The following CUL3 variants were observed in gnomAD, a reference collection of about 807,000 sequenced individuals.
CUL3 encodes the protein cullin 3.
In CUL3, 19 loss-of-function variants were observed where a neutral mutation model predicts 89.1. That is an observed-to-expected ratio of 0.21 (90% CI 0.15 to 0.31). The LOEUF (loss-of-function observed/expected upper bound fraction) is 0.31, where lower values mean the gene tolerates loss of function less well. CUL3 is among the 10% of genes least tolerant of loss of function. CUL3 has a pLI of 1.00. For synonymous variants in CUL3, 351 were observed against 308.4 expected (o/e 1.14, Z -1.45); for missense variants, 469 against 942.3 (o/e 0.50, Z 6.58).
intron 2 of CUL3, among the ~76,000 whole-genome samples, chr2:224,548,605 A>C (rs549040203): frequency 5.9e-5 from 9 of 152,200 alleles, no homozygotes; most frequent in Non-Finnish European, 1.2e-4. Context: ...AAGATGAAGA[A>C]ATTAAGCATA....
intron 3 of CUL3, among the ~76,000 whole-genome samples, chr2:224,531,531 A>G (rs754406888): frequency 6.8e-6 from 1 of 146,880 alleles, no homozygotes; most frequent in South Asian, 2.2e-4. Context: ...TATTAAAGAC[A>G]TAATAGTACA....
In CUL3 at chr2:224,524,286, T is replaced by C. The variant is rs1574655882; in HGVS notation, c.379-9514A>G. On this transcript the variant is annotated intron_variant, in intron 3 of 15. Transcript: ENST00000264414. ...CCCAACCAGAAAGACAAAAGTGGAG[T>C]TGGTTACCAAGCAGCTAGGACTTAA... is the stretch of plus-strand genomic sequence containing the variant. Among the ~76,000 whole-genome samples, 4 of 151,444 alleles carry C rather than the reference T, an allele frequency of 2.6e-5. No homozygotes were observed. In the East Asian group the frequency reaches 5.8e-4, roughly 22 times the overall value.
chr2:224,495,536 T>C (rs1451110046), intron 13 of CUL3: 6 of 202,202 alleles, frequency 3.0e-5, no homozygotes, highest in African/African-American at 1.4e-4. Context: ...ATGCTCTGTA[T>C]TTTCGGGCAA....
chr2:224,490,258 T>C (rs567274449), intron 13 of CUL3, among the ~76,000 whole-genome samples: 5 of 152,226 alleles, frequency 3.3e-5, no homozygotes, highest in African/African-American at 1.2e-4. Flanking sequence ...GTAGCAAAAT[T>C]AGTGAAAGTA....
chr2:224,542,689 A>AT (rs1335194926), intron 2 of CUL3, among the ~76,000 whole-genome samples: 2 of 152,178 alleles, frequency 1.3e-5, no homozygotes, highest in African/African-American at 4.8e-5. Flanking sequence ...GATTATACGC[A>AT]TGAGTCACCG....
chr2:224,532,014 A>G (rs1389902464), intron 3 of CUL3, among the ~76,000 whole-genome samples: 1 of 152,170 alleles, frequency 6.6e-6, no homozygotes, highest in Non-Finnish European at 1.5e-5. Context: ...ATGTAGGGAG[A>G]AAAAAAGAAC....
intron 14 of CUL3, 139 bp from the exon 15 acceptor site, chr2:224,478,484 G>A (rs1574609387): frequency 1.9e-5 from 12 of 645,880 alleles, no homozygotes; most frequent in Middle Eastern, 6.2e-4. Flanking sequence ...ATTCAAGTAC[G>A]CATTCAGAAA....
intron 1 of CUL3, chr2:224,569,772 T>C: frequency 5.9e-6 from 7 of 1,192,826 alleles, no homozygotes; most frequent in Non-Finnish European, 6.4e-6. Flanking sequence ...ATTCTTAACA[T>C]CTACTACATA....
At chr2:224,551,322 C>A (rs143450772) in intron 2 of CUL3, among the ~76,000 whole-genome samples, 2,170 of 151,866 alleles carry the variant, frequency 0.014, 35 homozygotes, top group Non-Finnish European at 0.019. Context: ...TCTCCTGCCT[C>A]AGCCTCCTGT....
At chr2:224,507,992 C>A (rs186680747) in intron 6 of CUL3, among the ~76,000 whole-genome samples, 69 of 152,204 alleles carry the variant, frequency 4.5e-4, no homozygotes, top group African/African-American at 1.5e-3. Context: ...ACTACTCTGA[C>A]GCTGTAGCAA....
Position 224,473,251 on chromosome 2 carries a change from A to G in CUL3, c.*994T>C, listed in dbSNP as rs1203767542. The stretch of plus-strand genomic sequence containing the variant: ...GATTGCATTTTGAAACAGAAAATTA[A>G]TAGTGCACCACAGCTTCACCAAAAT... On this transcript the variant is annotated 3_prime_UTR_variant, in exon 16 of 16. Transcript: ENST00000264414. 5.2e-6 allele frequency: 1 copy of G among 190,572 alleles called. No individual in the cohort carries two copies. The highest frequency in any genetic ancestry group is 8.4e-5 in the East Asian group (1 of 11,930). The allele number at this position is 190,572 out of a possible 1,614,324, so 11.8% of individuals were successfully genotyped here. A position where few individuals can be genotyped will look rare whatever the true frequency, so the allele number is the denominator to read the frequency against.
intron 5 of CUL3, 62 bp from the exon 6 acceptor site, chr2:224,511,644 C>A (rs946765297): frequency 1.3e-5 from 12 of 928,222 alleles, no homozygotes; most frequent in South Asian, 1.8e-5. Flanking sequence ...TTGCTTTTAG[C>A]TGGGTTTCTA....
intron 3 of CUL3, among the ~76,000 whole-genome samples, chr2:224,526,585 C>CAAAAAAAAAAAAAA (rs1166152595): frequency 1.5e-4 from 4 of 26,166 alleles, no homozygotes; most frequent in Non-Finnish European, 2.3e-4. Context: ...GACTCCGTCT[C>CAAAAAAAAAAAAAA]AAAAAAAAAA....
chr2:224,473,764 G>A lies in CUL3; in HGVS notation c.*481C>T, dbSNP rs998185840. The A allele has an allele frequency of 3.7e-5, 7 of 186,912 alleles. No homozygotes were observed. Among genetic ancestry groups the A allele is most frequent in the Non-Finnish European group, 5.7e-5 (5 of 88,342 alleles). 11.6% of individuals were successfully genotyped at this position (186,912 alleles called of 1,614,324 possible). On this transcript the variant is annotated 3_prime_UTR_variant, in exon 16 of 16. Transcript: ENST00000264414. ...TTATCAAACCTTTAAAATTAAATAA[G>A]ACTAGCTAAAGAAATGTCTTCAGAG...
intron 6 of CUL3, 136 bp from the exon 7 acceptor site, chr2:224,507,139 TAC>T (rs1356983540): frequency 4.9e-6 from 3 of 608,774 alleles, no homozygotes; most frequent in Non-Finnish European, 7.9e-6. Context: ...ATTAAAAATA[TAC>T]ATATATTGAT....
intron 1 of CUL3, chr2:224,563,191 C>T (rs1195583470): frequency 2.1e-6 from 1 of 466,248 alleles, no homozygotes; most frequent in African/African-American, 2.0e-5. Flanking sequence ...ATGATAAATG[C>T]ACCTCAGTAT....
At chr2:224,516,486 T>C (rs1276756375) in intron 3 of CUL3, among the ~76,000 whole-genome samples, 1 of 151,690 alleles carries the variant, frequency 6.6e-6, no homozygotes, top group Non-Finnish European at 1.5e-5. Context: ...CCAGCTAATT[T>C]TTGTATGTTT....
At chr2:224,552,880 A>C (rs1377912031) in intron 2 of CUL3, among the ~76,000 whole-genome samples, 2 of 152,234 alleles carry the variant, frequency 1.3e-5, no homozygotes, top group African/African-American at 4.8e-5. Context: ...AGAACAACAA[A>C]AAAAGGTATA....
intron 3 of CUL3, among the ~76,000 whole-genome samples, chr2:224,530,346 A>C (rs1383605452): frequency 6.6e-6 from 1 of 152,202 alleles, no homozygotes; most frequent in African/African-American, 2.4e-5. Flanking sequence ...CTCTGGGCCT[A>C]AGATCTGAAA....
Sources: gnomAD v4.1 joint callset for allele counts (sites outside exome capture counted in the v4.1 genomes callset) on GRCh38, gnomAD v4.1.1 for gene constraint, MANE v1.5 for transcripts, NCBI Gene and HGNC (gene_info 2026-07-23, HGNC 2026-07-21) for gene names.